The following NREP variants were observed in gnomAD, a reference collection of about 807,000 sequenced individuals.
NREP encodes the protein neuronal regeneration related protein, also known as neuronal regeneration-related protein.
A neutral mutation model predicts 8.6 loss-of-function variants in NREP; 5 were observed. That is an observed-to-expected ratio of 0.58 (90% confidence interval 0.30 to 1.22). The LOEUF is 1.22. Ranked by LOEUF, NREP falls within the 50% of genes most tolerant of loss-of-function variation. The probability of loss-of-function intolerance (pLI) is 0.07; values close to 1 mark genes in which losing one functional copy is unlikely to be tolerated. For synonymous variants in NREP, 27 were observed against 28.0 expected, an observed-to-expected ratio of 0.96 and a Z score of 0.11; for missense variants, 86 against 82.5, an observed-to-expected ratio of 1.04 and a Z score of -0.17.
chr5:111,803,158 T>A (rs1267825171), intron 2 of NREP, among the ~76,000 whole-genome samples: 1 of 152,126 alleles, frequency 6.6e-6, no homozygotes, highest in Non-Finnish European at 1.5e-5. Context: ...TCAGAGTTCA[T>A]AAAAAGAGGT....
Position 111,730,453 on chromosome 5 carries a change from AAG to A in NREP, c.*466_*467del, listed in dbSNP as rs1748441439. On this transcript the variant is annotated 3_prime_UTR_variant, in exon 4 of 4. Transcript: ENST00000257435. Reference sequence around the variant, plus strand: ...GTTTCAAACTACTTCTATACATCAAAAGAGTACATGGATAAAATATAGAGATA... The same window carrying A: ...GTTTCAAACTACTTCTATACATCAAAAGTACATGGATAAAATATAGAGATA... 6.5e-6 allele frequency: 1 copy of A among 153,130 alleles called. No individual in the cohort carries two copies. The highest frequency in any genetic ancestry group is 2.4e-5 in the African/African-American group (1 of 41,388). The allele number at this position is 153,130 out of a possible 1,614,324, so 9.5% of individuals were successfully genotyped here. A position where few individuals can be genotyped will look rare whatever the true frequency, so the allele number is the denominator to read the frequency against.
chr5:111,957,307 A>G (rs1343420324), intron 2 of NREP, among the ~76,000 whole-genome samples: 3 of 152,022 alleles, frequency 2.0e-5, no homozygotes, highest in Non-Finnish European at 4.4e-5. Context: ...ATAAAATGGG[A>G]AATTTTCTGG....
chr5:111,963,090 C>T (rs886242095), intron 2 of NREP, among the ~76,000 whole-genome samples: 2 of 152,258 alleles, frequency 1.3e-5, no homozygotes, highest in African/African-American at 2.4e-5. Context: ...AAGGGGCCCA[C>T]TGAGTGGATA....
chr5:111,730,539 T>TAG lies in NREP; in HGVS notation c.*381_*382insCT, dbSNP rs558958563. ...TGTTACATCTAAATGAAAAAAAAGGTGGGGGGGGGACTCTCAGCCTCTGCA... is the reference window on the plus strand; with the variant it reads ...TGTTACATCTAAATGAAAAAAAAGGTAGGGGGGGGGGACTCTCAGCCTCTGCA... On this transcript the variant is annotated 3_prime_UTR_variant, in exon 4 of 4. Coordinates refer to ENST00000257435, the MANE Select transcript of NREP (RefSeq NM_004772.4). 4.6e-5 allele frequency: 7 copies of TAG among 152,056 alleles called. No homozygotes were observed. Among genetic ancestry groups the TAG allele is most frequent in the East Asian group, 3.9e-4 (2 of 5,162 alleles). The allele number at this position is 152,056 out of a possible 1,614,324, so 9.4% of individuals were successfully genotyped here. A position where few individuals can be genotyped will look rare whatever the true frequency, so the allele number is the denominator to read the frequency against.
intron 2 of NREP, among the ~76,000 whole-genome samples, chr5:111,746,247 TA>T (rs1011220111): frequency 6.6e-6 from 1 of 150,664 alleles, no homozygotes; most frequent in Non-Finnish European, 1.5e-5. Flanking sequence ...CATTTTTTTT[TA>T]AAAAAAGGAA....
chr5:111,742,200 C>T (rs1749725999), intron 2 of NREP, among the ~76,000 whole-genome samples: 1 of 152,142 alleles, frequency 6.6e-6, no homozygotes, highest in African/African-American at 2.4e-5. Flanking sequence ...TACTGTCCAA[C>T]ATTACATGTC....
At chr5:111,953,686 C>T (rs1756229652) in intron 2 of NREP, among the ~76,000 whole-genome samples, 2 of 151,788 alleles carry the variant, frequency 1.3e-5, no homozygotes, top group Admixed American at 1.3e-4. Flanking sequence ...AACCAAGTGT[C>T]CAGGAAGAAT....
At chr5:111,868,497 G>T (rs1753716998) in intron 2 of NREP, among the ~76,000 whole-genome samples, 1 of 152,084 alleles carries the variant, frequency 6.6e-6, no homozygotes, top group Non-Finnish European at 1.5e-5. Context: ...GTTTTTCAAA[G>T]AAATTGAGCC....
intron 2 of NREP, among the ~76,000 whole-genome samples, chr5:111,957,836 A>AAAATAGAC (rs1756368065): frequency 6.6e-6 from 1 of 152,008 alleles, no homozygotes; most frequent in Admixed American, 6.6e-5. Context: ...ACATTAGGGA[A>AAAATAGAC]AAATAGACAC....
At chr5:111,757,879 T>C, upstream of NREP, 1 of 982,506 alleles carries the variant, frequency 1.0e-6, no homozygotes, top group African/African-American at 1.7e-5. Context: ...GCCAGGGTGC[T>C]GCACAGCCCG....
intron 2 of NREP, among the ~76,000 whole-genome samples, chr5:111,743,347 CCT>C (rs1267511253): frequency 1.3e-5 from 2 of 151,932 alleles, no homozygotes; most frequent in Non-Finnish European, 2.9e-5. Context: ...TTTCTTTGCC[CCT>C]GTGACCTCAA....
intron 2 of NREP, among the ~76,000 whole-genome samples, chr5:111,968,486 C>T (rs1460903976): frequency 2.6e-5 from 4 of 152,078 alleles, no homozygotes; most frequent in African/African-American, 9.7e-5. Context: ...GATAAGCTTT[C>T]AAAGTTGCTT....
At chr5:111,934,392 C>T (rs1755625676) in intron 2 of NREP, among the ~76,000 whole-genome samples, 1 of 151,780 alleles carries the variant, frequency 6.6e-6, no homozygotes, top group Admixed American at 6.6e-5. Context: ...GTTATAATTG[C>T]ATTTCTAAAG....
chr5:111,883,923 C>G (rs552476175), intron 2 of NREP, among the ~76,000 whole-genome samples: 1 of 152,086 alleles, frequency 6.6e-6, no homozygotes, highest in African/African-American at 2.4e-5. Flanking sequence ...ACTAGAAAAG[C>G]AAGAGCAAAC....
At chr5:111,829,704 C>T (rs1052488339) in intron 2 of NREP, among the ~76,000 whole-genome samples, 1 of 152,190 alleles carries the variant, frequency 6.6e-6, no homozygotes, top group African/African-American at 2.4e-5. Context: ...TTTACCTGAA[C>T]TCAATCTTCT....
chr5:111,845,541 T>C (rs1581161281), intron 2 of NREP, among the ~76,000 whole-genome samples: 1 of 152,206 alleles, frequency 6.6e-6, no homozygotes, highest in East Asian at 1.9e-4. Flanking sequence ...TTAACAGACA[T>C]ACCCAAAATG....
chr5:111,883,600 G>T (rs866078531), intron 2 of NREP, among the ~76,000 whole-genome samples: 1 of 152,098 alleles, frequency 6.6e-6, no homozygotes, highest in South Asian at 2.1e-4. Context: ...AAATGTAAAA[G>T]ATCACACATT....
At chr5:111,755,591 T>C in intron 2 of NREP, 179 bp downstream of exon 2, 1 of 667,564 alleles carries the variant, frequency 1.5e-6, no homozygotes, top group Non-Finnish European at 2.7e-6. Context: ...ATTTGCCACA[T>C]CCAATTCACA....
At chr5:111,871,921 G>C (rs999887930) in intron 2 of NREP, among the ~76,000 whole-genome samples, 28 of 149,180 alleles carry the variant, frequency 1.9e-4, no homozygotes, top group African/African-American at 6.9e-4. Flanking sequence ...TGACGTTTCA[G>C]TGTGTGTATA....
Sources: allele counts gnomAD v4.1 joint callset (sites outside exome capture counted in the v4.1 genomes callset), GRCh38; gene constraint gnomAD v4.1.1; transcripts MANE v1.5; gene names NCBI Gene and HGNC (gene_info 2026-07-23, HGNC 2026-07-21).